Variants in RIC3 observed in about 807,000 individuals in gnomAD.
RIC3 encodes the protein protein RIC-3.
Under a neutral mutation model 27.3 loss-of-function variants are expected in RIC3, and 28 were observed. The observed-to-expected ratio is 1.02, with a 90% CI of 0.76 to 1.41. The LOEUF is 1.41. Among genes scored for constraint, RIC3 ranks in the 40% most tolerant of loss-of-function variants. The probability of loss-of-function intolerance (pLI) is 0.00; values close to 1 mark genes in which losing one functional copy is unlikely to be tolerated. For missense variants in RIC3, 501 were observed against 444.7 expected, an observed-to-expected ratio of 1.13 and a Z score of -1.14; for synonymous variants, 184 against 160.4, an observed-to-expected ratio of 1.15 and a Z score of -1.11.
intron 4 of RIC3, among the ~76,000 whole-genome samples, chr11:8,134,161 A>G (rs950701795): frequency 6.6e-6 from 1 of 152,072 alleles, no homozygotes; most frequent in Admixed American, 6.5e-5. Context: ...TCAGCCCACA[A>G]CAGGCCCCAG....
chr11:8,136,350 G>A (rs1480010887), intron 4 of RIC3, among the ~76,000 whole-genome samples: 1 of 152,142 alleles, frequency 6.6e-6, no homozygotes, highest in Non-Finnish European at 1.5e-5. Context: ...GATGCAGGAG[G>A]GACATTTCAA....
chr11:8,145,909 A>G lies in RIC3; in HGVS notation c.125-5716T>C, dbSNP rs2884895. Among the ~76,000 whole-genome samples the G allele has an allele frequency of 7.3e-3, 1,108 of 152,342 alleles. 11 individuals carry two copies. Among genetic ancestry groups the G allele is most frequent in the African/African-American group, 0.025 (1,059 of 41,572 alleles). ...TTGAACAAAATTGACAAAGATGTGG[A>G]GAGGCATGAATCCTCATGCACTGTG... On this transcript the variant is annotated intron_variant, in intron 1 of 5. Coordinates refer to ENST00000309737, the MANE Select transcript of RIC3 (RefSeq NM_001206671.4).
chr11:8,154,896 A>G (rs10431029), intron 1 of RIC3, among the ~76,000 whole-genome samples: 74,541 of 151,994 alleles, frequency 0.49, 20,279 homozygotes, highest in African/African-American at 0.73. Context: ...AAAAGGGAAC[A>G]TGACTAAATC....
intron 1 of RIC3, among the ~76,000 whole-genome samples, chr11:8,157,541 T>C (rs1684696397): frequency 6.6e-6 from 1 of 152,236 alleles, no homozygotes; most frequent in Admixed American, 6.5e-5. Flanking sequence ...GGTGTGTTCC[T>C]AGTGGTCTCC....
At chr11:8,159,793 C>G (rs1461028653) in intron 1 of RIC3, among the ~76,000 whole-genome samples, 2 of 152,084 alleles carry the variant, frequency 1.3e-5, no homozygotes, top group Non-Finnish European at 2.9e-5. Flanking sequence ...GGGTTCGATA[C>G]CAGCCTGGCC....
chr11:8,120,534 G>A (rs1251035172), intron 5 of RIC3, among the ~76,000 whole-genome samples: 4 of 152,140 alleles, frequency 2.6e-5, no homozygotes, highest in Non-Finnish European at 5.9e-5. Context: ...TCGGAGGATG[G>A]AGGGCTAGGA....
intron 1 of RIC3, among the ~76,000 whole-genome samples, chr11:8,163,018 AACACACACACACACACACAC>A (rs59248468): frequency 7.4e-6 from 1 of 135,964 alleles, no homozygotes; most frequent in African/African-American, 2.8e-5. Flanking sequence ...GGATTATTTA[AACACACACACACACACACAC>A]ACACACACAC....
chr11:8,150,355 A>G (rs12421498), intron 1 of RIC3, among the ~76,000 whole-genome samples: 11,512 of 152,328 alleles, frequency 0.076, 522 homozygotes, highest in Middle Eastern at 0.14. Context: ...AACACTGAAC[A>G]AAAATAGAGC....
intron 4 of RIC3, among the ~76,000 whole-genome samples, chr11:8,134,696 T>C (rs965496316): frequency 6.6e-6 from 1 of 152,154 alleles, no homozygotes; most frequent in African/African-American, 2.4e-5. Context: ...TTCTAACTGG[T>C]GTGAGGTGGT....
rs80243186 is a variant in RIC3 at position 8,148,331 on chromosome 11, G to T, written c.125-8138C>A. Among the ~76,000 whole-genome samples the T allele has an allele frequency of 8.9e-3, 1,348 of 152,258 alleles. 8 individuals carry two copies. The highest frequency in any genetic ancestry group is 0.017 in the Middle Eastern group (5 of 294). ...ACTATGCCCCTTTTAAATTTTCAAG[G>T]ATCTTAGTAAATTAAATGATGAGTA... On this transcript the variant is annotated intron_variant, in intron 1 of 5. Coordinates refer to ENST00000309737, the MANE Select transcript of RIC3 (RefSeq NM_001206671.4).
At chr11:8,116,175 G>C (rs1009832686) in intron 5 of RIC3, among the ~76,000 whole-genome samples, 1 of 152,148 alleles carries the variant, frequency 6.6e-6, no homozygotes, top group South Asian at 2.1e-4. Context: ...ACACAAAAAG[G>C]TCAAAGGACA....
At chr11:8,168,312 C>T (rs1590464817) in intron 1 of RIC3, among the ~76,000 whole-genome samples, 1 of 152,152 alleles carries the variant, frequency 6.6e-6, no homozygotes, top group Admixed American at 6.5e-5. Context: ...ATAACCACCT[C>T]AGTAACTGAA....
chr11:8,100,705 T>C, the RIC3 span: 64 of 1,525,510 alleles, frequency 4.2e-5, no homozygotes, highest in South Asian at 6.7e-4. Context: ...AGGGGTACCA[T>C]GTGAGAAAGC....
intron 1 of RIC3, among the ~76,000 whole-genome samples, chr11:8,141,709 A>G: frequency 6.6e-6 from 1 of 152,120 alleles, no homozygotes; most frequent in Non-Finnish European, 1.5e-5. Context: ...CTCCACCCCA[A>G]ATCAACAGAA....
At chr11:8,168,785 C>CT in intron 1 of RIC3, 81 bp downstream of exon 1, 2 of 1,534,502 alleles carry the variant, frequency 1.3e-6, no homozygotes, top group Non-Finnish European at 1.8e-6. Context: ...GCTGCAGACT[C>CT]TCAGAGTCAC....
intron 5 of RIC3, among the ~76,000 whole-genome samples, chr11:8,117,479 C>A (rs1945978543): frequency 1.3e-5 from 2 of 152,146 alleles, no homozygotes; most frequent in African/African-American, 4.8e-5. Context: ...CGTGATTTCA[C>A]TTACATATGG....
chr11:8,100,799 C>T, the RIC3 span: 2 of 1,611,800 alleles, frequency 1.2e-6, no homozygotes, highest in Non-Finnish European at 1.7e-6. Context: ...AGGCCTGGGC[C>T]TGGCTCAGGT....
chr11:8,107,196 G>C lies in RIC3; in HGVS notation c.*3502C>G, dbSNP rs548438013. 1 of 152,218 alleles carries C rather than the reference G, an allele frequency of 6.6e-6. No homozygotes were observed. The highest frequency in any genetic ancestry group is 6.5e-5 in the Admixed American group (1 of 15,280). The allele number at this position is 152,218 out of a possible 1,614,324, so 9.4% of individuals were successfully genotyped here. A position where few individuals can be genotyped will look rare whatever the true frequency, so the allele number is the denominator to read the frequency against. The stretch of plus-strand genomic sequence containing the variant: ...TGTGTTCATGTTTTTTCTCAATATT[G>C]CTGAATAGCTAAAGCACTAAATTTT... On this transcript the variant is annotated 3_prime_UTR_variant, in exon 6 of 6. Transcript: ENST00000309737.
Position 8,167,640 on chromosome 11 carries a change from T to TAAA in RIC3, c.124+1223_124+1225dup, listed in dbSNP as rs34530108. ...CAAGATAATTCACCATAATGGAAAG[T>TAAA]AAAAAAAAAAAAAAAAAAGTTTTCG... On this transcript the variant is annotated intron_variant, in intron 1 of 5. Transcript: ENST00000309737. Among the ~76,000 whole-genome samples, 901 of 134,072 alleles carry TAAA rather than the reference T, an allele frequency of 6.7e-3. 18 individuals carry two copies. Among genetic ancestry groups the TAAA allele is most frequent in the Admixed American group, 0.051 (673 of 13,208 alleles). 88.0% of individuals were successfully genotyped at this position (134,072 alleles called of 152,430 possible). A position where few individuals can be genotyped will look rare whatever the true frequency, so the allele number is the denominator to read the frequency against.
Sources: allele counts gnomAD v4.1 joint callset (sites outside exome capture counted in the v4.1 genomes callset), GRCh38; gene constraint gnomAD v4.1.1; transcripts MANE v1.5; gene names NCBI Gene and HGNC (gene_info 2026-07-23, HGNC 2026-07-21).